ASTN2: variants seen among roughly 807,000 people sequenced by gnomAD.
ASTN2 encodes astrotactin 2.
Under a neutral mutation model 139.8 loss-of-function variants are expected in ASTN2, and 54 were observed. The observed-to-expected ratio is 0.39, with a 90% CI of 0.31 to 0.48. The LOEUF (loss-of-function observed/expected upper bound fraction) is 0.48, where lower values mean the gene tolerates loss of function less well. Ranked by LOEUF, ASTN2 falls within the 20% of genes least tolerant of loss-of-function variation. The probability of loss-of-function intolerance (pLI) is 0.95; values close to 1 mark genes in which losing one functional copy is unlikely to be tolerated. For synonymous variants in ASTN2, 756 were observed against 719.5 expected, an observed-to-expected ratio of 1.05 and a Z score of -0.81; for missense variants, 1,565 against 1,725.1, an observed-to-expected ratio of 0.91 and a Z score of 1.64.
intron 2 of ASTN2, among the ~76,000 whole-genome samples, chr9:117,284,031 C>T (rs377067859): frequency 3.8e-4 from 58 of 152,162 alleles, no homozygotes; most frequent in African/African-American, 1.3e-3. Flanking sequence ...GAATTGGGTC[C>T]TCCAAAAGCA....
intron 10 of ASTN2, among the ~76,000 whole-genome samples, chr9:116,958,163 G>A (rs1412400367): frequency 6.6e-6 from 1 of 152,196 alleles, no homozygotes; most frequent in Non-Finnish European, 1.5e-5. Flanking sequence ...CTTCTAGGGA[G>A]ATACTTTGAG....
chr9:116,934,920 T>C (rs1444792743), intron 10 of ASTN2, among the ~76,000 whole-genome samples: 3 of 152,040 alleles, frequency 2.0e-5, no homozygotes, highest in Non-Finnish European at 4.4e-5. Flanking sequence ...TTGCCTAGAG[T>C]CAGGTTGTTA....
At position 117,141,401 on chromosome 9, in the gene ASTN2, T is replaced by C. The variant is rs759610329; in HGVS notation, c.1093A>G (p.Ile365Val). 28 of 1,367,574 alleles carry C rather than the reference T, an allele frequency of 2.0e-5. No homozygotes were observed. Among genetic ancestry groups the C allele is most frequent in the Non-Finnish European group, 2.4e-5 (25 of 1,021,838 alleles). 84.7% of individuals were successfully genotyped at this position (1,367,574 alleles called of 1,614,324 possible). Residue 365 changes from isoleucine (I) to valine (V), a missense_variant, in exon 4 of 23, where the codon ATC becomes GTC. Ile to Val is a conservative substitution (Grantham distance 29). Transcript: ENST00000313400. ...FKESFRANTP[I>V]EIGQLQPPLR... ...GGTGGTTGCAGCTGACCGATCTCGATGGGCGTGTTAGCGCGGAAACTCTCC... is the reference window on the plus strand; with the variant it reads ...GGTGGTTGCAGCTGACCGATCTCGACGGGCGTGTTAGCGCGGAAACTCTCC...
intron 10 of ASTN2, among the ~76,000 whole-genome samples, chr9:116,899,160 G>A (rs573186124): frequency 6.6e-6 from 1 of 152,256 alleles, no homozygotes; most frequent in South Asian, 2.1e-4. Flanking sequence ...GGCTTTGTGG[G>A]TATCAGTGAT....
At chr9:116,662,213 C>T (rs1858602564) in intron 16 of ASTN2, among the ~76,000 whole-genome samples, 1 of 152,054 alleles carries the variant, frequency 6.6e-6, no homozygotes, top group Non-Finnish European at 1.5e-5. Flanking sequence ...GCTTCTTCCT[C>T]ATAGTAGTCT....
intron 10 of ASTN2, among the ~76,000 whole-genome samples, chr9:116,887,948 G>A (rs764238349): frequency 2.6e-5 from 4 of 152,156 alleles, no homozygotes; most frequent in South Asian, 2.1e-4. Flanking sequence ...GATAACAGGC[G>A]TGAGCCACTG....
intron 5 of ASTN2, among the ~76,000 whole-genome samples, chr9:117,091,692 G>A (rs187021451): frequency 7.4e-4 from 112 of 152,214 alleles, no homozygotes; most frequent in Non-Finnish European, 6.6e-4. Flanking sequence ...GAGAGGTGGA[G>A]TGGGGAGGGA....
Position 116,677,704 on chromosome 9 carries a change from C to T in ASTN2, c.2807-25911G>A, listed in dbSNP as rs190049262. On this transcript the variant is annotated intron_variant, in intron 16 of 22. Coordinates refer to ENST00000313400, the MANE Select transcript of ASTN2 (RefSeq NM_001365068.1). ...AATGAAATACAGGGTAGAAGCACTG[C>T]ACTGTCTTCTCCCATAGTATTTCCC... is the stretch of plus-strand genomic sequence containing the variant. 1.6e-3 allele frequency among the ~76,000 whole-genome samples: 241 copies of T among 152,302 alleles called. 1 individual carries two copies. The highest frequency in any genetic ancestry group is 5.5e-3 in the African/African-American group (227 of 41,556).
chr9:116,604,856 T>C (rs1368143583), intron 19 of ASTN2, among the ~76,000 whole-genome samples: 3 of 152,152 alleles, frequency 2.0e-5, no homozygotes, highest in African/African-American at 7.2e-5. Flanking sequence ...TTGTAGATTA[T>C]CCTTAATGAT....
At chr9:116,857,482 T>G (rs572486415) in intron 11 of ASTN2, among the ~76,000 whole-genome samples, 1 of 152,308 alleles carries the variant, frequency 6.6e-6, no homozygotes, top group African/African-American at 2.4e-5. Flanking sequence ...GGTGTTTTGC[T>G]CCTGGTCCAT....
intron 1 of ASTN2, among the ~76,000 whole-genome samples, chr9:117,367,757 CT>C (rs1829882171): frequency 6.6e-6 from 1 of 152,158 alleles, no homozygotes; most frequent in African/African-American, 2.4e-5. Flanking sequence ...TATAAAATCA[CT>C]GAGGCTTTTG....
intron 1 of ASTN2, among the ~76,000 whole-genome samples, chr9:117,325,370 C>T (rs1196189598): frequency 1.3e-5 from 2 of 152,128 alleles, no homozygotes; most frequent in Non-Finnish European, 2.9e-5. Flanking sequence ...CTGTCTTTTT[C>T]ATTGCCATGG....
In ASTN2 at chr9:117,359,946, G is replaced by A. The variant is rs75135501; in HGVS notation, c.442+54551C>T. Among the ~76,000 whole-genome samples the A allele has an allele frequency of 4.0e-3, 609 of 152,260 alleles. 2 individuals are homozygous for A. Among genetic ancestry groups the A allele is most frequent in the African/African-American group, 0.014 (578 of 41,558 alleles). On this transcript the variant is annotated intron_variant, in intron 1 of 22. Transcript: ENST00000313400. ...GGCAGGAGTTAAGAAGTCAGATGGC[G>A]GTGAACATCGGCTTTTCTCAGAAGG...
intron 19 of ASTN2, among the ~76,000 whole-genome samples, chr9:116,528,571 C>G (rs887367183): frequency 6.6e-6 from 1 of 152,034 alleles, no homozygotes; most frequent in Non-Finnish European, 1.5e-5. Flanking sequence ...CCATCAGCTG[C>G]AAAAAAATTG....
chr9:116,464,214 T>C (rs1848583533), intron 20 of ASTN2, among the ~76,000 whole-genome samples: 1 of 152,292 alleles, frequency 6.6e-6, no homozygotes, highest in Admixed American at 6.5e-5. Context: ...TATATCTGTA[T>C]GTCTGAGGCT....
intron 5 of ASTN2, among the ~76,000 whole-genome samples, chr9:117,090,347 C>T (rs1221646371): frequency 2.0e-5 from 3 of 152,132 alleles, no homozygotes; most frequent in Non-Finnish European, 4.4e-5. Context: ...TTTCTCCATC[C>T]CTTTGCCTTT....
chr9:117,138,842 C>T (rs1168029207), intron 4 of ASTN2, among the ~76,000 whole-genome samples: 1 of 152,100 alleles, frequency 6.6e-6, no homozygotes. Context: ...AGAGGGGAAA[C>T]ATTTTAAAGT....
At chr9:116,546,214 A>G (rs1852084180) in intron 19 of ASTN2, 1 of 152,236 alleles carries the variant, frequency 6.6e-6, no homozygotes, top group Non-Finnish European at 1.5e-5. Flanking sequence ...AGAGCCTCAT[A>G]GAAATGACGT....
chr9:116,836,338 C>T (rs934064013), intron 11 of ASTN2, among the ~76,000 whole-genome samples: 2 of 151,814 alleles, frequency 1.3e-5, no homozygotes, highest in Non-Finnish European at 2.9e-5. Flanking sequence ...GGTGGAAGGC[C>T]ATGCTCTTCA....
Sources: gnomAD v4.1 joint callset for allele counts (sites outside exome capture counted in the v4.1 genomes callset) on GRCh38, gnomAD v4.1.1 for gene constraint, MANE v1.5 for transcripts, NCBI Gene and HGNC (gene_info 2026-07-23, HGNC 2026-07-21) for gene names.